Variants in DMD observed in about 807,000 individuals in gnomAD.
DMD encodes the protein dystrophin.
Under a neutral mutation model 330.1 loss-of-function variants are expected in DMD, and 63 were observed. The observed-to-expected ratio is 0.19, with a 90% CI of 0.16 to 0.24. The LOEUF is 0.24. Ranked by LOEUF, DMD falls within the 10% of genes least tolerant of loss-of-function variation. The probability of loss-of-function intolerance (pLI) is 1.00; values close to 1 mark genes in which losing one functional copy is unlikely to be tolerated. For missense variants in DMD, 3,344 were observed against 2,684.1 expected (o/e 1.25, Z -5.43); for synonymous variants, 1,223 against 959.8 (o/e 1.27, Z -5.07).
At chrX:31,492,069 A>G (rs918214590) in intron 57 of DMD, among the ~76,000 whole-genome samples, 6 of 112,146 alleles carry the variant, frequency 5.4e-5, no homozygotes, top group Non-Finnish European at 1.1e-4. Flanking sequence ...TGGCACTCTA[A>G]ATACTTGCGG....
chrX:33,085,448 C>T (rs2094990831), intron 1 of DMD, among the ~76,000 whole-genome samples: 1 of 111,670 alleles, frequency 9.0e-6, no homozygotes, highest in Non-Finnish European at 1.9e-5. Context: ...AGCCACTGTT[C>T]TCTATAAAAT....
At chrX:32,665,283 G>A (rs2061232775) in intron 9 of DMD, among the ~76,000 whole-genome samples, 1 of 111,188 alleles carries the variant, frequency 9.0e-6, no homozygotes, top group Admixed American at 9.6e-5. Context: ...ATGGGCTGTG[G>A]AATCAAAATA....
chrX:32,837,062 G>C (rs1353597460), intron 4 of DMD, among the ~76,000 whole-genome samples: 1 of 111,682 alleles, frequency 9.0e-6, no homozygotes. Context: ...TCAAATAGAA[G>C]TGGTATGGCC....
intron 21 of DMD, among the ~76,000 whole-genome samples, chrX:32,476,699 G>A (rs1289655374): frequency 9.0e-6 from 1 of 111,139 alleles, no homozygotes; most frequent in Non-Finnish European, 1.9e-5. Flanking sequence ...TTCTAAATCT[G>A]TTTCAGATAA....
intron 41 of DMD, among the ~76,000 whole-genome samples, chrX:32,338,282 C>T (rs1283744815): frequency 1.8e-5 from 2 of 110,864 alleles, no homozygotes; most frequent in African/African-American, 3.3e-5. Context: ...ATTTTTTCCA[C>T]GTTGGTTGAC....
chrX:31,951,801 A>T (rs1000866191), intron 45 of DMD, among the ~76,000 whole-genome samples: 8 of 111,411 alleles, frequency 7.2e-5, no homozygotes, highest in African/African-American at 2.6e-4. Context: ...CAGTTCTGTG[A>T]TTCTTTATCT....
intron 2 of DMD, among the ~76,000 whole-genome samples, chrX:33,017,972 G>A (rs192993808): frequency 8.9e-6 from 1 of 112,207 alleles, no homozygotes; most frequent in East Asian, 2.8e-4. Context: ...TCACCAAGTG[G>A]CTTAAACTGA....
chrX:31,163,082 T>C (rs781491536), intron 74 of DMD, among the ~76,000 whole-genome samples: 22 of 111,899 alleles, frequency 2.0e-4, no homozygotes, highest in East Asian at 5.6e-4. Flanking sequence ...CTAGCTCCCT[T>C]TGTCTCAAGA....
chrX:32,374,441 T>G (rs777904604), intron 34 of DMD, among the ~76,000 whole-genome samples: 2 of 111,954 alleles, frequency 1.8e-5, no homozygotes, highest in Non-Finnish European at 3.8e-5. Context: ...TTTCAGGGCT[T>G]ACATTTAAGA....
rs774339335 is a variant in DMD at position 32,704,388 on chromosome X, G to A, written c.650-5095C>T. On this transcript the variant is annotated intron_variant, in intron 7 of 78. Transcript: ENST00000357033. ...CCTTCAACAAAACTAATCTTGGGCA[G>A]TCAACCTCAGGGAAGTCCGATTAGC... Among the ~76,000 whole-genome samples, 9 of 109,346 alleles carry A rather than the reference G, an allele frequency of 8.2e-5. No individual in the cohort carries two copies. In the East Asian group the frequency reaches 1.7e-3, roughly 21 times the overall value. 95.0% of individuals were successfully genotyped at this position (109,346 alleles called of 115,157 possible).
chrX:32,820,911 A>G (rs979415044), intron 5 of DMD, among the ~76,000 whole-genome samples: 6 of 111,588 alleles, frequency 5.4e-5, no homozygotes, highest in African/African-American at 2.0e-4. Flanking sequence ...CATACAATGG[A>G]TTAGGGGAAA....
intron 2 of DMD, among the ~76,000 whole-genome samples, chrX:32,871,656 T>TC (rs1405273889): frequency 4.5e-5 from 5 of 111,446 alleles, no homozygotes; most frequent in Non-Finnish European, 7.5e-5. Flanking sequence ...TTTGACTCAT[T>TC]CCAAAGGAAA....
intron 55 of DMD, among the ~76,000 whole-genome samples, chrX:31,510,752 G>A (rs770859021): frequency 4.1e-4 from 45 of 109,860 alleles, no homozygotes; most frequent in African/African-American, 1.1e-3. Context: ...CTCGTGATCC[G>A]CCCACCTTGG....
chrX:31,995,702 T>C (rs990322710), intron 44 of DMD, among the ~76,000 whole-genome samples: 1 of 109,420 alleles, frequency 9.1e-6, no homozygotes. Context: ...TGTTAATTGA[T>C]GATAATTAAG....
At chrX:31,591,616 A>G (rs1330449908) in intron 55 of DMD, among the ~76,000 whole-genome samples, 2 of 111,442 alleles carry the variant, frequency 1.8e-5, no homozygotes, top group African/African-American at 3.2e-5. Context: ...TGAATTTTTG[A>G]TCATCAAGTT....
At chrX:31,350,630 T>TGAGA (rs1332478029) in intron 60 of DMD, among the ~76,000 whole-genome samples, 5 of 47,480 alleles carry the variant, frequency 1.1e-4, no homozygotes, top group South Asian at 1.4e-3. Flanking sequence ...TGTGTGTGTG[T>TGAGA]GTGAGAGAGA....
chrX:32,588,134 A>G (rs1042256763), intron 13 of DMD, among the ~76,000 whole-genome samples: 7 of 112,475 alleles, frequency 6.2e-5, no homozygotes, highest in African/African-American at 2.3e-4. Context: ...TTATCTTACA[A>G]GAATTACTGA....
chrX:32,315,630 C>A (rs994641747), intron 41 of DMD, among the ~76,000 whole-genome samples: 1 of 111,195 alleles, frequency 9.0e-6, no homozygotes, highest in Non-Finnish European at 1.9e-5. Context: ...AAATAAGATC[C>A]AGTGTTAATC....
intron 1 of DMD, among the ~76,000 whole-genome samples, chrX:33,069,354 A>G (rs2094710958): frequency 9.0e-6 from 1 of 111,595 alleles, no homozygotes; most frequent in Admixed American, 9.7e-5. Context: ...CTGATTTCCC[A>G]AGGATGTTCA....
Sources: allele counts gnomAD v4.1 joint callset (sites outside exome capture counted in the v4.1 genomes callset), GRCh38; gene constraint gnomAD v4.1.1; transcripts MANE v1.5; gene names NCBI Gene and HGNC (gene_info 2026-07-23, HGNC 2026-07-21).